The following ANKRD13C variants were observed in gnomAD, a reference collection of about 807,000 sequenced individuals.
The protein encoded by ANKRD13C is ankyrin repeat domain-containing protein 13C.
In ANKRD13C, 16 loss-of-function variants were observed where a neutral mutation model predicts 65.5. That is an observed-to-expected ratio of 0.24 (90% CI 0.17 to 0.37). The LOEUF (loss-of-function observed/expected upper bound fraction) is 0.37. ANKRD13C is among the 10% of genes least tolerant of loss of function. The pLI is 1.00. For synonymous variants in ANKRD13C, 235 were observed against 238.7 expected (o/e 0.98, Z 0.14); for missense variants, 503 against 655.9 (o/e 0.77, Z 2.55).
intron 3 of ANKRD13C, among the ~76,000 whole-genome samples, chr1:70,321,359 C>A (rs1457350237): frequency 2.6e-5 from 4 of 152,190 alleles, no homozygotes; most frequent in Non-Finnish European, 5.9e-5. Flanking sequence ...GAAAAGCCTT[C>A]TCTCAAAAAG....
At chr1:70,286,212 T>C (rs897452580) in intron 9 of ANKRD13C, among the ~76,000 whole-genome samples, 5 of 152,192 alleles carry the variant, frequency 3.3e-5, no homozygotes, top group African/African-American at 1.2e-4. Flanking sequence ...TCTGATAGAA[T>C]TACTATTAAT....
chr1:70,353,909 C>A, intron 1 of ANKRD13C, 70 bp downstream of exon 1: 1 of 1,439,408 alleles, frequency 6.9e-7, no homozygotes, highest in East Asian at 2.5e-5. Flanking sequence ...GCCTAGGATT[C>A]CAGAAGCCTG....
At position 70,292,453 on chromosome 1, in the gene ANKRD13C, G is replaced by A. The variant is rs1485587985; in HGVS notation, c.1150C>T (p.Leu384Phe). Residue 384 changes from leucine (L) to phenylalanine (F), a missense_variant, in exon 9 of 13, where the codon CTT becomes TTT. Leu to Phe is a conservative substitution (Grantham distance 22, BLOSUM62 0). This residue lies in a region of ANKRD13C where 300 missense variants were observed against 478.3 expected (regional missense o/e 0.63). Coordinates refer to ENST00000370944, the MANE Select transcript of ANKRD13C (RefSeq NM_030816.5). ...RREHLSEEDILRNKAIMESLS... is the reference protein window; with the variant it reads ...RREHLSEEDIFRNKAIMESLS... ...CTCTCCATGATGGCCTTATTTCGAA[G>A]AATATCCTCTTCACTGAGATGTTCT... 4 of 1,609,130 alleles carry A rather than the reference G, an allele frequency of 2.5e-6. No homozygotes were observed. Among genetic ancestry groups the A allele is most frequent in the Non-Finnish European group, 1.7e-6 (2 of 1,178,446 alleles).
At chr1:70,293,275 A>T (rs943335075) in intron 8 of ANKRD13C, among the ~76,000 whole-genome samples, 1 of 151,938 alleles carries the variant, frequency 6.6e-6, no homozygotes, top group Non-Finnish European at 1.5e-5. Flanking sequence ...AGTTTGAAAT[A>T]CCTTACTTAA....
rs188519884 is a variant in ANKRD13C at position 70,344,720 on chromosome 1, A to G, written c.431-8621T>C. 9.2e-5 allele frequency among the ~76,000 whole-genome samples: 14 copies of G among 152,212 alleles called. No homozygotes were observed. In the East Asian group the frequency reaches 2.5e-3, roughly 27 times the overall value. On this transcript the variant is annotated intron_variant, in intron 1 of 12. Coordinates refer to ENST00000370944, the MANE Select transcript of ANKRD13C (RefSeq NM_030816.5). ...AATTTATATTCTTTTTACTGTATTA[A>G]CAGTTTTCAAGCTTTTGAATCTCAG...
At chr1:70,282,729 G>A (rs1467333788) in intron 9 of ANKRD13C, among the ~76,000 whole-genome samples, 1 of 152,184 alleles carries the variant, frequency 6.6e-6, no homozygotes, top group African/African-American at 2.4e-5. Flanking sequence ...ATGCTAGAAA[G>A]CAGAGAGACA....
At chr1:70,334,442 CA>C (rs1403892823) in intron 2 of ANKRD13C, among the ~76,000 whole-genome samples, 1 of 151,892 alleles carries the variant, frequency 6.6e-6, no homozygotes, top group African/African-American at 2.4e-5. Context: ...GCCAGGGCAA[CA>C]AAGTGAGAAC....
At chr1:70,304,308 T>C (rs1362679542) in intron 6 of ANKRD13C, among the ~76,000 whole-genome samples, 3 of 152,224 alleles carry the variant, frequency 2.0e-5, no homozygotes, top group Non-Finnish European at 4.4e-5. Context: ...TAATATGTAC[T>C]AAAACATTTA....
intron 5 of ANKRD13C, among the ~76,000 whole-genome samples, chr1:70,308,774 T>C (rs1680707544): frequency 6.6e-6 from 1 of 151,460 alleles, no homozygotes; most frequent in Non-Finnish European, 1.5e-5. Context: ...GAAGTTAAAT[T>C]ATTGAGCAAA....
intron 9 of ANKRD13C, among the ~76,000 whole-genome samples, chr1:70,280,770 A>G (rs979912969): frequency 3.3e-5 from 5 of 152,220 alleles, no homozygotes; most frequent in African/African-American, 1.2e-4. Context: ...CAAGTACTGT[A>G]TACATTTTAG....
At chr1:70,349,905 G>A (rs1218662063) in intron 1 of ANKRD13C, among the ~76,000 whole-genome samples, 4 of 152,194 alleles carry the variant, frequency 2.6e-5, no homozygotes, top group African/African-American at 9.7e-5. Flanking sequence ...GTAGGCTGAG[G>A]TGGGCAGATC....
At chr1:70,318,186 A>G (rs1383558420) in intron 3 of ANKRD13C, among the ~76,000 whole-genome samples, 1 of 152,216 alleles carries the variant, frequency 6.6e-6, no homozygotes, top group East Asian at 1.9e-4. Flanking sequence ...AGGGATCAGT[A>G]TTTGTATTCC....
chr1:70,343,678 G>A (rs1412943521), intron 1 of ANKRD13C, among the ~76,000 whole-genome samples: 3 of 152,028 alleles, frequency 2.0e-5, no homozygotes, highest in South Asian at 2.1e-4. Flanking sequence ...GATTATAGGC[G>A]TGCACCACCA....
intron 2 of ANKRD13C, among the ~76,000 whole-genome samples, chr1:70,332,865 AAAAAT>A (rs1226735417): frequency 2.0e-5 from 3 of 152,282 alleles, no homozygotes; most frequent in Admixed American, 6.5e-5. Context: ...ACTTGAGTGG[AAAAAT>A]AAAATAAAAT....
chr1:70,293,435 A>C (rs978924336), intron 8 of ANKRD13C: 2 of 468,576 alleles, frequency 4.3e-6, no homozygotes, highest in African/African-American at 4.2e-5. Context: ...TTGCAAAAAA[A>C]GCAAAGCATT....
intron 11 of ANKRD13C, among the ~76,000 whole-genome samples, chr1:70,271,426 T>C (rs555292797): frequency 3.9e-5 from 6 of 152,342 alleles, no homozygotes; most frequent in African/African-American, 1.4e-4. Context: ...TTAGTCATTA[T>C]GCTATAATTT....
intron 9 of ANKRD13C, among the ~76,000 whole-genome samples, chr1:70,291,703 A>C (rs924628424): frequency 9.2e-5 from 14 of 152,086 alleles, no homozygotes; most frequent in Admixed American, 1.3e-4. Flanking sequence ...GCTACTCGGG[A>C]GTCTGAGGCA....
At chr1:70,263,093 GC>G (rs1462546670) in intron 12 of ANKRD13C, among the ~76,000 whole-genome samples, 2 of 152,022 alleles carry the variant, frequency 1.3e-5, no homozygotes, top group African/African-American at 4.8e-5. Flanking sequence ...AAGATCCCAT[GC>G]CTTCCTAGTC....
At chr1:70,304,962 T>A (rs1680525337) in intron 6 of ANKRD13C, among the ~76,000 whole-genome samples, 1 of 151,774 alleles carries the variant, frequency 6.6e-6, no homozygotes, top group African/African-American at 2.4e-5. Context: ...CCTGAAGAGG[T>A]TTTTTTAAAA....
Sources: allele counts gnomAD v4.1 joint callset (sites outside exome capture counted in the v4.1 genomes callset), GRCh38; gene constraint gnomAD v4.1.1; regional missense constraint gnomAD v4.1.1; transcripts MANE v1.5; gene names NCBI Gene and HGNC (gene_info 2026-07-23, HGNC 2026-07-21).